Variants in AP1AR observed in about 807,000 individuals in gnomAD.
The protein encoded by AP1AR is adaptor related protein complex 1 associated regulatory protein.
A neutral mutation model predicts 46.3 loss-of-function variants in AP1AR; 29 were observed. The ratio of observed to expected loss-of-function variants is 0.63; its 90% CI spans 0.47 to 0.85. The LOEUF is 0.85. Among genes scored for constraint, AP1AR ranks in the 40% least tolerant of loss-of-function variants. AP1AR has a pLI of 0.00. For synonymous variants in AP1AR, 122 were observed against 122.9 expected (o/e 0.99, Z 0.05); for missense variants, 357 against 356.3 (o/e 1.00, Z -0.02).
At chr4:112,246,542 A>G (rs1049088116) in intron 1 of AP1AR, among the ~76,000 whole-genome samples, 13 of 152,200 alleles carry the variant, frequency 8.5e-5, no homozygotes, top group African/African-American at 2.9e-4. Context: ...TGTTTGGGCA[A>G]CCACATTGGT....
At chr4:112,241,565 C>T (rs1725500132) in intron 1 of AP1AR, among the ~76,000 whole-genome samples, 1 of 152,158 alleles carries the variant, frequency 6.6e-6, no homozygotes, top group African/African-American at 2.4e-5. Flanking sequence ...GGCAACCCAC[C>T]CACCTTGGAA....
rs1012593596 is a variant in AP1AR, at chr4:112,231,915, G to A, written c.-177G>A. ...GGCCGCTGGAGTAAACACTGCCTTT[G>A]TTCCCTAGCGCCTCGTCTTTCGTCG... On this transcript the variant is annotated 5_prime_UTR_variant, in exon 1 of 10. Coordinates refer to ENST00000274000, the MANE Select transcript of AP1AR (RefSeq NM_018569.6). The A allele has an allele frequency of 4.3e-6, 2 of 460,870 alleles. No individual in the cohort carries two copies. Among genetic ancestry groups the A allele is most frequent in the Non-Finnish European group, 7.2e-6 (2 of 277,456 alleles). 28.5% of individuals were successfully genotyped at this position (460,870 alleles called of 1,614,324 possible). A position where few individuals can be genotyped will look rare whatever the true frequency, so the allele number is the denominator to read the frequency against.
intron 1 of AP1AR, among the ~76,000 whole-genome samples, chr4:112,241,225 TATG>T (rs1249128242): frequency 6.6e-6 from 1 of 152,144 alleles, no homozygotes; most frequent in African/African-American, 2.4e-5. Flanking sequence ...AAACAGTAAA[TATG>T]ATTATTATTA....
rs1227207077 is a variant in AP1AR at position 112,267,096 on chromosome 4, A to ATAT, written c.643+383_643+385dup. Among the ~76,000 whole-genome samples the ATAT allele has an allele frequency of 2.4e-4, 36 of 151,982 alleles. No homozygotes were observed. The South Asian group carries it at 6.2e-3, about 26-fold the overall frequency. ...CCACCAGATACAGATCTACAAAGTT[A>ATAT]TATTAGTATCTAGCTCATATTTTTT... On this transcript the variant is annotated intron_variant, in intron 9 of 9. Coordinates refer to ENST00000274000, the MANE Select transcript of AP1AR (RefSeq NM_018569.6).
chr4:112,263,330 C>T (rs1043078926), intron 6 of AP1AR, among the ~76,000 whole-genome samples: 1 of 152,244 alleles, frequency 6.6e-6, no homozygotes, highest in Admixed American at 6.5e-5. Flanking sequence ...ATGCTGATTC[C>T]TGTTTATCCT....
At chr4:112,258,568 A>G (rs1726304241) in intron 4 of AP1AR, among the ~76,000 whole-genome samples, 1 of 152,314 alleles carries the variant, frequency 6.6e-6, no homozygotes, top group South Asian at 2.1e-4. Flanking sequence ...CCAAGAAGAC[A>G]TTTTTAAGGG....
chr4:112,233,242 A>G (rs1462305551), intron 1 of AP1AR, among the ~76,000 whole-genome samples: 1 of 152,248 alleles, frequency 6.6e-6, no homozygotes, highest in African/African-American at 2.4e-5. Context: ...CTTATAAAAT[A>G]TAGGATTCTC....
chr4:112,237,914 A>G (rs948935760), intron 1 of AP1AR, among the ~76,000 whole-genome samples: 4 of 152,124 alleles, frequency 2.6e-5, no homozygotes, highest in Non-Finnish European at 4.4e-5. Flanking sequence ...TTTGCTCTAT[A>G]TCAAGGGTTG....
Position 112,272,914 on chromosome 4 carries a change from CATA to C in AP1AR, c.*4508_*4510del, listed in dbSNP as rs1158804628. 6.6e-6 allele frequency: 1 copy of C among 151,980 alleles called. No homozygotes were observed. The highest frequency in any genetic ancestry group is 1.9e-4 in the East Asian group (1 of 5,186). 9.4% of individuals were successfully genotyped at this position (151,980 alleles called of 1,614,324 possible). On this transcript the variant is annotated 3_prime_UTR_variant, in exon 10 of 10. Transcript: ENST00000274000. ...TTTAACTATGTAAACATGTCCTAAT[CATA>C]ATTTCTTGAGAATACAGACATCTAA...
chr4:112,244,276 T>C (rs1450821204), intron 1 of AP1AR, among the ~76,000 whole-genome samples: 2 of 152,192 alleles, frequency 1.3e-5, no homozygotes, highest in Non-Finnish European at 2.9e-5. Context: ...TTGTGGAACT[T>C]AAGCTGATTC....
rs1281145757 is a variant in AP1AR at position 112,271,858 on chromosome 4, T to C, written c.*3449T>C. 6.6e-6 allele frequency among the ~76,000 whole-genome samples: 1 copy of C among 152,176 alleles called. No individual in the cohort carries two copies. The highest frequency in any genetic ancestry group is 1.5e-5 in the Non-Finnish European group (1 of 68,038). On this transcript the variant is annotated 3_prime_UTR_variant, in exon 10 of 10. Transcript: ENST00000274000. ...TGGTATTTTAAGTCATTAAACCAGC[T>C]GAGTTCACCCCAGGGGAGCACATAG... is the stretch of plus-strand genomic sequence containing the variant.
At chr4:112,241,714 G>A (rs928982166) in intron 1 of AP1AR, among the ~76,000 whole-genome samples, 12 of 152,160 alleles carry the variant, frequency 7.9e-5, no homozygotes, top group African/African-American at 2.9e-4. Flanking sequence ...AAAATTAACC[G>A]TCACATCACC....
intron 1 of AP1AR, among the ~76,000 whole-genome samples, chr4:112,234,796 C>T (rs1311482247): frequency 6.6e-6 from 1 of 151,978 alleles, no homozygotes; most frequent in Non-Finnish European, 1.5e-5. Context: ...GTAGTGACCA[C>T]AAAAGAAGAG....
At chr4:112,235,138 C>T (rs141368854) in intron 1 of AP1AR, among the ~76,000 whole-genome samples, 2 of 152,274 alleles carry the variant, frequency 1.3e-5, no homozygotes, top group Non-Finnish European at 2.9e-5. Flanking sequence ...AGGAATAAAA[C>T]TTAGGCATCC....
intron 1 of AP1AR, among the ~76,000 whole-genome samples, chr4:112,242,126 C>T (rs1725527098): frequency 6.6e-6 from 1 of 152,132 alleles, no homozygotes; most frequent in Non-Finnish European, 1.5e-5. Flanking sequence ...GAGTATTTGC[C>T]TGCTATGCAA....
rs1349544359 is a variant in AP1AR at position 112,265,831 on chromosome 4, G to A, written c.514+24G>A. 3.4e-6 allele frequency: 5 copies of A among 1,488,686 alleles called. No individual in the cohort carries two copies. In the African/African-American group the frequency reaches 5.6e-5, roughly 17 times the overall value. 92.2% of individuals were successfully genotyped at this position (1,488,686 alleles called of 1,614,324 possible). A position where few individuals can be genotyped will look rare whatever the true frequency, so the allele number is the denominator to read the frequency against. On this transcript the variant is annotated intron_variant, in intron 8 of 9. Transcript: ENST00000274000. ...TAGTAAGTTTTTTAAAGTATTTTCT[G>A]TACTTTTTATGCCACAGTAAACAGA...
intron 1 of AP1AR, among the ~76,000 whole-genome samples, chr4:112,245,451 T>G (rs376458908): frequency 6.6e-6 from 1 of 152,202 alleles, no homozygotes. Context: ...TGGATATATG[T>G]TGAAAAGAGC....
chr4:112,268,015 T>TG, intron 9 of AP1AR, 129 bp from the exon 10 acceptor site: 1 of 896,440 alleles, frequency 1.1e-6, no homozygotes, highest in Non-Finnish European at 1.6e-6. Context: ...TCCATGGGAC[T>TG]GGGTCTTTAA....
chr4:112,243,870 ACTT>A (rs1392522375), intron 1 of AP1AR, among the ~76,000 whole-genome samples: 2 of 152,172 alleles, frequency 1.3e-5, no homozygotes, highest in Non-Finnish European at 2.9e-5. Flanking sequence ...GAAAAATAAA[ACTT>A]CTTCAGAGTA....
Sources: allele counts gnomAD v4.1 joint callset (sites outside exome capture counted in the v4.1 genomes callset), GRCh38; gene constraint gnomAD v4.1.1; transcripts MANE v1.5; gene names NCBI Gene and HGNC (gene_info 2026-07-23, HGNC 2026-07-21).